DAP3: variants seen among roughly 807,000 people sequenced by gnomAD.
DAP3 encodes death associated protein 3.
DAP3 carries 28 observed loss-of-function variants against 51.9 expected under a neutral mutation model. The ratio of observed to expected loss-of-function variants is 0.54; its 90% CI spans 0.40 to 0.74. The LOEUF (loss-of-function observed/expected upper bound fraction) is 0.74, where lower values mean the gene tolerates loss of function less well. Ranked by LOEUF, DAP3 falls within the 30% of genes least tolerant of loss-of-function variation. DAP3 has a pLI of 0.00. For missense variants in DAP3, 458 were observed against 483.5 expected (o/e 0.95, Z 0.49); for synonymous variants, 170 against 170.3 (o/e 1.00, Z 0.01).
At chr1:155,713,865 A>G (rs1657012703) in intron 2 of DAP3, among the ~76,000 whole-genome samples, 2 of 152,234 alleles carry the variant, frequency 1.3e-5, no homozygotes. Flanking sequence ...CCTAACATCT[A>G]ATAGATACTC....
chr1:155,717,332 T>A (rs1257580808), intron 3 of DAP3, among the ~76,000 whole-genome samples: 1 of 152,198 alleles, frequency 6.6e-6, no homozygotes, highest in African/African-American at 2.4e-5. Flanking sequence ...GCTCGGTCTG[T>A]ATCAGTTCCC....
chr1:155,736,426 T>TTG (rs1553192144), intron 11 of DAP3, among the ~76,000 whole-genome samples: 123 of 151,986 alleles, frequency 8.1e-4, no homozygotes, highest in Non-Finnish European at 1.3e-3. Context: ...GCCTTTTTTT[T>TTG]TGTGTGTGTA....
At chr1:155,721,879 T>C in intron 4 of DAP3, 2 of 517,608 alleles carry the variant, frequency 3.9e-6, no homozygotes, top group Non-Finnish European at 6.9e-6. Context: ...AACTTAAAAT[T>C]TGCCTTGGCA....
chr1:155,732,495 T>A (rs919113277), intron 11 of DAP3, among the ~76,000 whole-genome samples: 5 of 152,098 alleles, frequency 3.3e-5, no homozygotes, highest in Non-Finnish European at 7.4e-5. Context: ...CCTCCCAAAG[T>A]GCTAGGATTA....
At chr1:155,732,156 C>T in intron 11 of DAP3, 123 bp downstream of exon 11, 1 of 726,010 alleles carries the variant, frequency 1.4e-6, no homozygotes. Context: ...TCCTGTATGC[C>T]CTTCCCCTGG....
At chr1:155,692,537 T>G (rs1158975339) in intron 1 of DAP3, among the ~76,000 whole-genome samples, 1 of 142,160 alleles carries the variant, frequency 7.0e-6, no homozygotes, top group Non-Finnish European at 1.5e-5. Context: ...CTAACGGTCT[T>G]AATCCACTTA....
intron 1 of DAP3, among the ~76,000 whole-genome samples, chr1:155,707,206 G>A (rs1656100072): frequency 6.6e-6 from 1 of 152,190 alleles, no homozygotes; most frequent in South Asian, 2.1e-4. Context: ...AAGGTCAGGA[G>A]ATCGAGACCA....
upstream of DAP3, chr1:155,688,935 T>C (rs1156375727): frequency 6.2e-7 from 1 of 1,612,892 alleles, no homozygotes; most frequent in Non-Finnish European, 8.5e-7. Context: ...CCTACCTCCC[T>C]GGGTTCGTCG....
At chr1:155,700,327 C>T (rs1169112173) in intron 1 of DAP3, among the ~76,000 whole-genome samples, 1 of 152,240 alleles carries the variant, frequency 6.6e-6, no homozygotes, top group Non-Finnish European at 1.5e-5. Flanking sequence ...TTCTCCCATT[C>T]TGTGGGCTGT....
chr1:155,725,964 C>T lies in DAP3; in HGVS notation c.417C>T (p.Cys139=), dbSNP rs1658530971. 2 of 1,614,088 alleles carry T rather than the reference C, an allele frequency of 1.2e-6. No homozygotes were observed. The highest frequency in any genetic ancestry group is 2.2e-5 in the East Asian group (1 of 44,874). The change falls in exon 6 of 13, where the codon TGC becomes TGT. Residue 139 remains cysteine (C), a synonymous_variant. Transcript: ENST00000368336. ...GAACAGGAAAAACCCTAAGTCTTTG[C>T]CATGTTATTCATTTCTGTGCAAAAC... ...EKGTGKTLSL[C]HVIHFCAKQD...
At chr1:155,709,639 T>C in intron 1 of DAP3, 134 bp from the exon 2 acceptor site, 1 of 598,894 alleles carries the variant, frequency 1.7e-6, no homozygotes, top group Non-Finnish European at 2.6e-6. Flanking sequence ...TTAATGAAGC[T>C]GTAGGCATTC....
chr1:155,693,369 T>G (rs985506795), intron 1 of DAP3, among the ~76,000 whole-genome samples: 2 of 141,896 alleles, frequency 1.4e-5, no homozygotes, highest in African/African-American at 6.4e-5. Flanking sequence ...ATTTTTCTTC[T>G]CAAACCTGAA....
rs1490697995 is a variant in DAP3 at position 155,721,624 on chromosome 1, C to G, written c.270+6C>G. The G allele has an allele frequency of 1.2e-6, 2 of 1,613,846 alleles. No homozygotes were observed. The highest frequency in any genetic ancestry group is 1.7e-6 in the Non-Finnish European group (2 of 1,179,916). ...CTCCTCGCTTTGTGATGCAGGTGCT[C>G]AAGACAGGGAATGGAATTGGAGGGA... On this transcript the variant is annotated splice_donor_region_variant and intron_variant, in intron 4 of 12. Coordinates refer to ENST00000368336, the MANE Select transcript of DAP3 (RefSeq NM_004632.4).
intron 4 of DAP3, among the ~76,000 whole-genome samples, chr1:155,724,207 A>G (rs1261100022): frequency 6.6e-6 from 1 of 152,200 alleles, no homozygotes; most frequent in Non-Finnish European, 1.5e-5. Context: ...AAGGGGAATT[A>G]AACTCTGAAA....
At chr1:155,730,490 T>C (rs1212427317) in intron 9 of DAP3, among the ~76,000 whole-genome samples, 1 of 151,998 alleles carries the variant, frequency 6.6e-6, no homozygotes, top group Admixed American at 6.6e-5. Context: ...TTTGCACCTG[T>C]ATGTAGCTCC....
chr1:155,697,313 G>A (rs774209883), intron 1 of DAP3, among the ~76,000 whole-genome samples: 4 of 152,102 alleles, frequency 2.6e-5, no homozygotes, highest in African/African-American at 7.2e-5. Context: ...AAGAAGCTGC[G>A]GGCTGAACAA....
intron 11 of DAP3, among the ~76,000 whole-genome samples, chr1:155,733,295 C>T (rs1659430347): frequency 6.6e-6 from 1 of 152,168 alleles, no homozygotes; most frequent in Non-Finnish European, 1.5e-5. Context: ...CATCTGGTTT[C>T]TCTTCAGTAA....
intron 1 of DAP3, among the ~76,000 whole-genome samples, chr1:155,691,119 G>A (rs1653767943): frequency 7.1e-6 from 1 of 141,818 alleles, no homozygotes; most frequent in South Asian, 2.1e-4. Flanking sequence ...GTGTTAGCCA[G>A]GCTGGTCTCG....
At chr1:155,688,461 C>G, upstream of DAP3, 1 of 1,549,766 alleles carries the variant, frequency 6.5e-7, no homozygotes. Flanking sequence ...CCGACTCCGG[C>G]CATGTAGCGC....
Sources: allele counts gnomAD v4.1 joint callset (sites outside exome capture counted in the v4.1 genomes callset), GRCh38; gene constraint gnomAD v4.1.1; transcripts MANE v1.5; gene names NCBI Gene and HGNC (gene_info 2026-07-23, HGNC 2026-07-21).